The following RELL1 variants were observed in gnomAD, a reference collection of about 807,000 sequenced individuals.
The protein encoded by RELL1 is RELT like 1.
RELL1 carries 10 observed loss-of-function variants against 23.0 expected under a neutral mutation model. That is an observed-to-expected ratio of 0.43 (90% CI 0.27 to 0.74). The LOEUF (loss-of-function observed/expected upper bound fraction) is 0.74, where lower values mean the gene tolerates loss of function less well. RELL1 is among the 30% of genes least tolerant of loss of function. The probability of loss-of-function intolerance (pLI) is 0.19; values close to 1 mark genes in which losing one functional copy is unlikely to be tolerated. For synonymous variants in RELL1, 146 were observed against 146.8 expected, an observed-to-expected ratio of 0.99 and a Z score of 0.04; for missense variants, 315 against 364.4, an observed-to-expected ratio of 0.86 and a Z score of 1.10.
intron 5 of RELL1, among the ~76,000 whole-genome samples, chr4:37,632,084 G>GA (rs1183120605): frequency 0.32 from 14,337 of 44,578 alleles, 2,285 homozygotes; most frequent in Middle Eastern, 0.36. Context: ...TCTCAATAAG[G>GA]AAAAAAAAAA....
chr4:37,676,117 G>A (rs888023470), intron 1 of RELL1, among the ~76,000 whole-genome samples: 4 of 152,074 alleles, frequency 2.6e-5, no homozygotes, highest in African/African-American at 4.8e-5. Flanking sequence ...AGTCTAGTTT[G>A]TCCATGCATG....
intron 6 of RELL1, among the ~76,000 whole-genome samples, chr4:37,625,023 C>G (rs75138951): frequency 6.6e-6 from 1 of 152,156 alleles, no homozygotes; most frequent in African/African-American, 2.4e-5. Flanking sequence ...TGTCCAGCAA[C>G]GATCTCATTT....
intron 1 of RELL1, among the ~76,000 whole-genome samples, chr4:37,684,233 A>G (rs1373002777): frequency 6.6e-6 from 1 of 152,126 alleles, no homozygotes; most frequent in African/African-American, 2.4e-5. Context: ...CAAGGGGATC[A>G]GATGTTGGCT....
intron 1 of RELL1, among the ~76,000 whole-genome samples, chr4:37,685,264 G>C (rs6531572): frequency 0.98 from 149,758 of 152,268 alleles, 73,683 homozygotes; most frequent in East Asian, 1. Context: ...AGGAACCACC[G>C]CTGAAATCAA....
At chr4:37,590,735 A>G (rs748987910), downstream of RELL1, 3 of 1,614,214 alleles carry the variant, frequency 1.9e-6, no homozygotes, top group Non-Finnish European at 2.5e-6. Flanking sequence ...GTGGGGGAGC[A>G]TGGTTTGAAT....
intron 4 of RELL1, among the ~76,000 whole-genome samples, chr4:37,635,967 G>C (rs1720313942): frequency 6.6e-6 from 1 of 152,224 alleles, no homozygotes; most frequent in Admixed American, 6.5e-5. Flanking sequence ...CAAAACAGAT[G>C]TTGATGGTGT....
intron 1 of RELL1, among the ~76,000 whole-genome samples, chr4:37,666,803 C>T (rs1183021801): frequency 6.6e-6 from 1 of 152,172 alleles, no homozygotes; most frequent in Non-Finnish European, 1.5e-5. Flanking sequence ...CTTCCAGGAA[C>T]AGGAAGCAGA....
downstream of RELL1, chr4:37,588,722 C>G: frequency 1.5e-6 from 1 of 671,982 alleles, no homozygotes; most frequent in Non-Finnish European, 2.6e-6. Context: ...TGGTAGTTAT[C>G]CTTTTGCCAA....
At chr4:37,660,843 A>G (rs950349122) in intron 1 of RELL1, among the ~76,000 whole-genome samples, 7 of 152,130 alleles carry the variant, frequency 4.6e-5, no homozygotes, top group South Asian at 2.1e-4. Flanking sequence ...CATCCTGGCT[A>G]ACACGGTGAA....
intron 3 of RELL1, among the ~76,000 whole-genome samples, chr4:37,639,363 G>A (rs11727295): frequency 0.16 from 19,300 of 122,584 alleles, 1,485 homozygotes; most frequent in Middle Eastern, 0.29. Flanking sequence ...CAGCCTGGGC[G>A]ATGAAGCGAG....
Position 37,686,246 on chromosome 4 carries a change from A to G in RELL1, c.42T>C (p.Ala14=). The G allele has an allele frequency of 6.3e-7, 1 of 1,578,434 alleles. No homozygotes were observed. Among genetic ancestry groups the G allele is most frequent in the Non-Finnish European group, 8.5e-7 (1 of 1,170,552 alleles). The change falls in exon 1 of 7, where the codon GCT becomes GCC. Residue 14 remains alanine (A), a synonymous_variant. Coordinates refer to ENST00000454158, the MANE Select transcript of RELL1 (RefSeq NM_001085400.2). ...TCACGGCGCCTCCCACGAAGACAGC[A>G]GCGGCTAGGACGGCGGACCCCGGGA... ...RALPGSAVLA[A]AVFVGGAVSS... is the part of the protein sequence containing the mutation.
intron 6 of RELL1, among the ~76,000 whole-genome samples, chr4:37,627,251 G>C (rs1221020365): frequency 6.6e-6 from 1 of 152,168 alleles, no homozygotes; most frequent in Non-Finnish European, 1.5e-5. Context: ...ATCAGCGAAT[G>C]GAACAAAAGA....
downstream of RELL1, chr4:37,588,873 G>T (rs934576778): frequency 1.2e-6 from 2 of 1,613,380 alleles, no homozygotes; most frequent in South Asian, 1.1e-5. Context: ...TCCAGATGGG[G>T]TGCAGGTGCT....
intron 6 of RELL1, among the ~76,000 whole-genome samples, chr4:37,628,587 C>G (rs1198093795): frequency 6.6e-6 from 1 of 152,234 alleles, no homozygotes; most frequent in Non-Finnish European, 1.5e-5. Context: ...GTTGGAGGCT[C>G]GGAAAACACG....
chr4:37,669,192 G>A (rs1560356841), intron 1 of RELL1, among the ~76,000 whole-genome samples: 1 of 78,890 alleles, frequency 1.3e-5, no homozygotes, highest in Admixed American at 1.3e-4. Flanking sequence ...GGGGGGGGGG[G>A]TCAGCCCCCT....
In RELL1 at chr4:37,596,737, T is replaced by TATATATATATATATA. The variant is rs58665893; in HGVS notation, c.*4-5521_*4-5520insTATATATATATATAT. On this transcript the variant is annotated intron_variant, in intron 6 of 6. Transcript: ENST00000314117. ...ATATATATATATATATATATATATA[T>TATATATATATATATA]TTTTTTTTTTTTTTTTTTTTTTTTT... 6.3e-3 allele frequency among the ~76,000 whole-genome samples: 90 copies of TATATATATATATATA among 14,338 alleles called. 1 individual carries two copies. Among genetic ancestry groups the TATATATATATATATA allele is most frequent in the South Asian group, 0.022 (6 of 268 alleles). 9.4% of individuals were successfully genotyped at this position (14,338 alleles called of 152,430 possible).
intron 1 of RELL1, among the ~76,000 whole-genome samples, chr4:37,683,691 G>T (rs1475508315): frequency 6.6e-6 from 1 of 151,774 alleles, no homozygotes; most frequent in East Asian, 1.9e-4. Flanking sequence ...CTGGGAGGTG[G>T]AGGTTGTAGT....
At chr4:37,650,551 G>C (rs1266393179) in intron 1 of RELL1, among the ~76,000 whole-genome samples, 2 of 152,070 alleles carry the variant, frequency 1.3e-5, no homozygotes, top group Non-Finnish European at 2.9e-5. Context: ...GAAAACACGG[G>C]GCACTAGAAG....
In RELL1 at chr4:37,611,695, G is replaced by C. The variant is rs555376696; in HGVS notation, c.*1651C>G. 3.3e-5 allele frequency among the ~76,000 whole-genome samples: 5 copies of C among 151,788 alleles called. No individual in the cohort carries two copies. In the South Asian group the frequency reaches 1.0e-3, roughly 32 times the overall value. ...ATCATGTAATACTATTTATGCCTCTGGGTCCTTTCAGGTGTTTTGTAAAAT... is the reference window on the plus strand; with the variant it reads ...ATCATGTAATACTATTTATGCCTCTCGGTCCTTTCAGGTGTTTTGTAAAAT... On this transcript the variant is annotated 3_prime_UTR_variant, in exon 7 of 7. Coordinates refer to ENST00000454158, the MANE Select transcript of RELL1 (RefSeq NM_001085400.2).
Sources: gnomAD v4.1 joint callset for allele counts (sites outside exome capture counted in the v4.1 genomes callset) on GRCh38, gnomAD v4.1.1 for gene constraint, MANE v1.5 for transcripts, NCBI Gene and HGNC (gene_info 2026-07-23, HGNC 2026-07-21) for gene names.